SRPK2: variants seen among roughly 807,000 people sequenced by gnomAD.
SRPK2 encodes SFRS protein kinase 2.
SRPK2 carries 21 observed loss-of-function variants against 90.8 expected under a neutral mutation model. The observed-to-expected ratio is 0.23, with a 90% CI of 0.16 to 0.33. The LOEUF is 0.33. SRPK2 is among the 10% of genes least tolerant of loss of function. The pLI, the probability that SRPK2 is intolerant of heterozygous loss-of-function variation, is 1.00. For synonymous variants in SRPK2, 288 were observed against 311.1 expected, an observed-to-expected ratio of 0.93 and a Z score of 0.78; for missense variants, 620 against 869.0, an observed-to-expected ratio of 0.71 and a Z score of 3.60.
chr7:105,344,055 C>T (rs978975978), intron 2 of SRPK2, among the ~76,000 whole-genome samples: 5 of 152,156 alleles, frequency 3.3e-5, no homozygotes, highest in Admixed American at 6.6e-5. Context: ...CGAGCGACCA[C>T]GCCTGGCCTA....
At chr7:105,184,678 T>C (rs1210032297) in intron 3 of SRPK2, among the ~76,000 whole-genome samples, 2 of 152,214 alleles carry the variant, frequency 1.3e-5, no homozygotes, top group Non-Finnish European at 2.9e-5. Context: ...GAGATTTGTA[T>C]AATGAAGGTC....
At chr7:105,380,227 G>C (rs1182886913) in intron 2 of SRPK2, among the ~76,000 whole-genome samples, 3 of 152,138 alleles carry the variant, frequency 2.0e-5, no homozygotes, top group Non-Finnish European at 4.4e-5. Flanking sequence ...TATCTCCCGT[G>C]TTCAAGCAAT....
chr7:105,161,820 T>G (rs1459887714), intron 6 of SRPK2, among the ~76,000 whole-genome samples: 1 of 152,244 alleles, frequency 6.6e-6, no homozygotes, highest in East Asian at 1.9e-4. Context: ...ACTAGATCAA[T>G]TTTAATACTA....
At chr7:105,123,969 A>G (rs1271607636) in intron 15 of SRPK2, among the ~76,000 whole-genome samples, 1 of 152,204 alleles carries the variant, frequency 6.6e-6, no homozygotes, top group Non-Finnish European at 1.5e-5. Flanking sequence ...TTACCTTCAA[A>G]TAAGCTGCTC....
rs549015447 is a variant in SRPK2, at chr7:105,217,127, T to C, written c.72-13342A>G. 9.2e-5 allele frequency among the ~76,000 whole-genome samples: 14 copies of C among 152,354 alleles called. No individual in the cohort carries two copies. The South Asian group carries it at 2.9e-3, about 32-fold the overall frequency. ...ATCTGGAGTTCCTCCCATTCCTCTC[T>C]GTTCATCTCTGACTATCCTAACTGC... On this transcript the variant is annotated intron_variant, in intron 2 of 15. Coordinates refer to ENST00000393651, the MANE Select transcript of SRPK2 (RefSeq NM_182692.3).
rs373176659 is a variant in SRPK2 at position 105,168,113 on chromosome 7, A to G, written c.339-18T>C. The stretch of plus-strand genomic sequence containing the variant: ...TTTTCCCCCTAAAAGAAAAAACAAA[A>G]AAAGAGTCTATTTATCTATATTATC... On this transcript the variant is annotated intron_variant, in intron 4 of 15. Coordinates refer to ENST00000393651, the MANE Select transcript of SRPK2 (RefSeq NM_182692.3). The G allele has an allele frequency of 1.7e-5, 26 of 1,575,436 alleles. No homozygotes were observed. In the South Asian group the frequency reaches 2.9e-4, roughly 17 times the overall value.
intron 2 of SRPK2, among the ~76,000 whole-genome samples, chr7:105,293,190 C>G (rs1223261767): frequency 2.0e-5 from 3 of 151,834 alleles, no homozygotes; most frequent in Non-Finnish European, 4.4e-5. Context: ...CCCAGCTACT[C>G]AAGAGGCTGA....
Position 105,169,165 on chromosome 7 carries a change from C to A in SRPK2, c.330G>T (p.Trp110Cys). ...WGHFSTVWLCWDMQGKRFVAM... is the reference protein window; with the variant it reads ...WGHFSTVWLCCDMQGKRFVAM... ...TGACAAAGAACACTTACTGCATATC[C>A]CAGCACAGCCAGACAGTAGAGAAGT... The change falls in exon 4 of 16, where the codon TGG (tryptophan) becomes TGT (cysteine). Residue 110 changes from tryptophan (W) to cysteine (C), a missense_variant. Coordinates refer to ENST00000393651, the MANE Select transcript of SRPK2 (RefSeq NM_182692.3). The A allele has an allele frequency of 6.2e-7, 1 of 1,612,122 alleles. No homozygotes were observed. The highest frequency in any genetic ancestry group is 8.5e-7 in the Non-Finnish European group (1 of 1,179,398).
At chr7:105,382,426 C>G (rs1821053859) in intron 2 of SRPK2, among the ~76,000 whole-genome samples, 2 of 151,790 alleles carry the variant, frequency 1.3e-5, no homozygotes, top group Admixed American at 1.3e-4. Context: ...GTGGCACATG[C>G]CTGTAATCCC....
chr7:105,218,237 G>C (rs919210488), intron 2 of SRPK2, among the ~76,000 whole-genome samples: 2 of 152,140 alleles, frequency 1.3e-5, no homozygotes, highest in Non-Finnish European at 2.9e-5. Flanking sequence ...TAATTTGCTA[G>C]GAAATAAAAT....
chr7:105,148,318 A>G (rs1272333674), intron 7 of SRPK2, among the ~76,000 whole-genome samples: 1 of 152,224 alleles, frequency 6.6e-6, no homozygotes, highest in African/African-American at 2.4e-5. Flanking sequence ...CTTGGTATCT[A>G]GACAACCCTA....
At chr7:105,347,095 G>C (rs1000575017) in intron 2 of SRPK2, among the ~76,000 whole-genome samples, 40 of 148,076 alleles carry the variant, frequency 2.7e-4, no homozygotes, top group African/African-American at 9.7e-4. Flanking sequence ...GTTTCATTCT[G>C]TCACCCAGGC....
At chr7:105,199,049 A>G (rs192462847) in intron 3 of SRPK2, among the ~76,000 whole-genome samples, 13 of 152,348 alleles carry the variant, frequency 8.5e-5, no homozygotes, top group Admixed American at 2.0e-4. Context: ...TTGCAATATC[A>G]GAACTTTAAA....
chr7:105,178,959 A>G (rs924611403), intron 3 of SRPK2, among the ~76,000 whole-genome samples: 2 of 152,148 alleles, frequency 1.3e-5, no homozygotes, highest in Non-Finnish European at 2.9e-5. Flanking sequence ...ATACTATCAA[A>G]AATTATGCTG....
At chr7:105,241,709 A>C (rs893642222) in intron 2 of SRPK2, among the ~76,000 whole-genome samples, 1 of 152,168 alleles carries the variant, frequency 6.6e-6, no homozygotes, top group African/African-American at 2.4e-5. Context: ...ATTCCTTTAC[A>C]GGAAACCATG....
intron 2 of SRPK2, among the ~76,000 whole-genome samples, chr7:105,238,971 G>T (rs1800470769): frequency 6.6e-6 from 1 of 152,146 alleles, no homozygotes; most frequent in Non-Finnish European, 1.5e-5. Flanking sequence ...GAGTCATTAG[G>T]CCGGGGCAGC....
chr7:105,131,973 G>A (rs559551921), intron 13 of SRPK2, among the ~76,000 whole-genome samples: 1 of 152,270 alleles, frequency 6.6e-6, no homozygotes, highest in East Asian at 1.9e-4. Context: ...ACCAGGAACT[G>A]GCTCGCAAAT....
At chr7:105,398,345 C>G (rs1012600694) in intron 1 of SRPK2, among the ~76,000 whole-genome samples, 3 of 151,020 alleles carry the variant, frequency 2.0e-5, no homozygotes, top group Non-Finnish European at 2.9e-5. Context: ...TCATATCACC[C>G]GTCTTGGGGC....
chr7:105,164,075 C>CT (rs2129584249), intron 6 of SRPK2, among the ~76,000 whole-genome samples: 1 of 152,224 alleles, frequency 6.6e-6, no homozygotes, highest in African/African-American at 2.4e-5. Flanking sequence ...AAACATGGTT[C>CT]TACAGTATGA....
Sources: gnomAD v4.1 joint callset for allele counts (sites outside exome capture counted in the v4.1 genomes callset) on GRCh38, gnomAD v4.1.1 for gene constraint, MANE v1.5 for transcripts, NCBI Gene and HGNC (gene_info 2026-07-23, HGNC 2026-07-21) for gene names.